The following NSG2 variants were observed in gnomAD, a reference collection of about 807,000 sequenced individuals.
NSG2 encodes neuronal vesicle trafficking-associated protein 2.
Under a neutral mutation model 16.9 loss-of-function variants are expected in NSG2, and 4 were observed. That is an observed-to-expected ratio of 0.24 (90% confidence interval 0.12 to 0.54). The LOEUF (loss-of-function observed/expected upper bound fraction) is 0.54, where lower values mean the gene tolerates loss of function less well. Among genes scored for constraint, NSG2 ranks in the 20% least tolerant of loss-of-function variants. The pLI, the probability that NSG2 is intolerant of heterozygous loss-of-function variation, is 0.95. For synonymous variants in NSG2, 98 were observed against 88.7 expected (o/e 1.11, Z -0.59); for missense variants, 179 against 221.1 (o/e 0.81, Z 1.21).
chr5:174,046,863 A>G lies in NSG2; in HGVS notation c.108A>G (p.Leu36=), dbSNP rs776037656. ...PLITPLEVNH[L]QLPAPEKVIV... is the part of the protein sequence containing the mutation. ...TCACTCCCTTGGAGGTTAATCACTTACAGCTGCCTGCTCCAGAAAAGGTAA... is the reference window on the plus strand; with the variant it reads ...TCACTCCCTTGGAGGTTAATCACTTGCAGCTGCCTGCTCCAGAAAAGGTAA... The change falls in exon 2 of 5, where the codon TTA becomes TTG. Residue 36 remains leucine (L), a synonymous_variant. Transcript: ENST00000303177. 7.7e-5 allele frequency: 124 copies of G among 1,613,990 alleles called. No homozygotes were observed. The Admixed American group carries it at 7.8e-4, about 10-fold the overall frequency.
chr5:174,054,360 A>G (rs756556781), intron 2 of NSG2, among the ~76,000 whole-genome samples: 2 of 152,222 alleles, frequency 1.3e-5, no homozygotes, highest in African/African-American at 4.8e-5. Flanking sequence ...GTTTTTAACC[A>G]TAAGAATGCG....
chr5:174,094,891 G>C (rs1395300102), intron 3 of NSG2, among the ~76,000 whole-genome samples: 2 of 152,190 alleles, frequency 1.3e-5, no homozygotes, highest in African/African-American at 4.8e-5. Flanking sequence ...CCTATCCCAT[G>C]CCAGGTCATG....
intron 3 of NSG2, chr5:174,064,617 A>C: frequency 4.3e-6 from 1 of 232,820 alleles, no homozygotes; most frequent in Non-Finnish European, 8.2e-6. Context: ...TTTCATCACA[A>C]TCTCCAGGAA....
In NSG2 at chr5:174,107,519, C is replaced by A; in HGVS notation, c.*14C>A. ...CAGGGCCACTAGAGGCCTGCCCCAGCCAGAATGGGGGGCGGGGTGGAGAGG... is the reference window on the plus strand; with the variant it reads ...CAGGGCCACTAGAGGCCTGCCCCAGACAGAATGGGGGGCGGGGTGGAGAGG... On this transcript the variant is annotated 3_prime_UTR_variant, in exon 5 of 5. Coordinates refer to ENST00000303177, the MANE Select transcript of NSG2 (RefSeq NM_015980.5). This position sits in a 1 kb window ranked among gnomAD's most constrained non-coding sequence, Gnocchi z 4.5. 1 of 1,601,544 alleles carries A rather than the reference C, an allele frequency of 6.2e-7. No individual in the cohort carries two copies. The highest frequency in any genetic ancestry group is 8.5e-7 in the Non-Finnish European group (1 of 1,171,932).
Position 174,092,838 on chromosome 5 carries a change from A to AG in NSG2, c.214-11386dup, listed in dbSNP as rs562605534. ...GCTCTATGTGACTATACAAAGTTGG[A>AG]GGGGCCACAGTGTGTAAAATGGGAT... On this transcript the variant is annotated intron_variant, in intron 3 of 4. Transcript: ENST00000303177. Among the ~76,000 whole-genome samples, 706 of 152,244 alleles carry AG rather than the reference A, an allele frequency of 4.6e-3. 3 individuals are homozygous for AG. Among genetic ancestry groups the AG allele is most frequent in the Non-Finnish European group, 6.8e-3 (465 of 68,026 alleles).
intron 3 of NSG2, among the ~76,000 whole-genome samples, chr5:174,096,056 T>C (rs1760790443): frequency 6.6e-6 from 1 of 152,252 alleles, no homozygotes; most frequent in Admixed American, 6.5e-5. Context: ...TGTGCCTTAG[T>C]CTTCTCATCT....
intron 2 of NSG2, among the ~76,000 whole-genome samples, chr5:174,053,535 A>G (rs1759923850): frequency 6.6e-6 from 1 of 152,072 alleles, no homozygotes; most frequent in South Asian, 2.1e-4. Flanking sequence ...GAGACACAGG[A>G]TATGAGAAAC....
chr5:174,061,991 T>C (rs1760060970), intron 2 of NSG2, among the ~76,000 whole-genome samples: 1 of 151,004 alleles, frequency 6.6e-6, no homozygotes, highest in African/African-American at 2.4e-5. Context: ...CTTGTGTTGC[T>C]CTTGATAGGC....
chr5:174,105,281 C>T lies in NSG2; in HGVS notation c.324+943C>T, dbSNP rs141448429. Among the ~76,000 whole-genome samples the T allele has an allele frequency of 2.2e-3, 336 of 152,258 alleles. 1 individual carries two copies. Among genetic ancestry groups the T allele is most frequent in the African/African-American group, 7.6e-3 (315 of 41,532 alleles). ...TGCCAGCCTGAAAATGTGTATACTT[C>T]GGTTCTGCACTGCCTAGATTACACT... On this transcript the variant is annotated intron_variant, in intron 4 of 4. Transcript: ENST00000303177.
chr5:174,070,994 C>T (rs1223934222), intron 3 of NSG2, among the ~76,000 whole-genome samples: 3 of 152,218 alleles, frequency 2.0e-5, no homozygotes, highest in Non-Finnish European at 2.9e-5. Context: ...AGAGAATCTG[C>T]CTCATTAGGC....
intron 3 of NSG2, among the ~76,000 whole-genome samples, chr5:174,077,198 C>T (rs1760359591): frequency 1.3e-5 from 2 of 152,042 alleles, no homozygotes; most frequent in Admixed American, 1.3e-4. Flanking sequence ...CTATAAATAG[C>T]TTTATTTTTT....
intron 3 of NSG2, among the ~76,000 whole-genome samples, chr5:174,081,863 C>A (rs1760476279): frequency 7.2e-6 from 1 of 138,030 alleles, no homozygotes; most frequent in South Asian, 2.3e-4. Flanking sequence ...GCACTCCAGC[C>A]TGAGCAGCAG....
At chr5:174,093,250 C>A (rs921153144) in intron 3 of NSG2, among the ~76,000 whole-genome samples, 4 of 152,116 alleles carry the variant, frequency 2.6e-5, no homozygotes, top group African/African-American at 9.7e-5. Flanking sequence ...GTAAGCATTC[C>A]ATGTATGCTA....
intron 2 of NSG2, among the ~76,000 whole-genome samples, chr5:174,062,407 T>A (rs1760066613): frequency 6.6e-6 from 1 of 152,208 alleles, no homozygotes; most frequent in Admixed American, 6.5e-5. Flanking sequence ...GAGAATTATT[T>A]TTCTTATCTG....
chr5:174,072,052 T>C lies in NSG2; in HGVS notation c.213+7737T>C, dbSNP rs2113444688. 6.6e-6 allele frequency among the ~76,000 whole-genome samples: 1 copy of C among 152,284 alleles called. No individual in the cohort carries two copies. Among genetic ancestry groups the C allele is most frequent in the Admixed American group, 6.5e-5 (1 of 15,300 alleles). ...GGGAGAAACACAGAAACCAGCCTCC[T>C]CAGTGCTGGCCGCTGCACCTAGCAG... is the stretch of plus-strand genomic sequence containing the variant. On this transcript the variant is annotated intron_variant, in intron 3 of 4. Transcript: ENST00000303177. The surrounding 1 kb of genome is among the most constrained non-coding windows in gnomAD (Gnocchi z 4.0).
At chr5:174,077,568 C>G (rs1053327140) in intron 3 of NSG2, among the ~76,000 whole-genome samples, 2 of 152,192 alleles carry the variant, frequency 1.3e-5, no homozygotes, top group Non-Finnish European at 2.9e-5. Flanking sequence ...TTTCTCTTCC[C>G]ACAGTCTGGT....
At chr5:174,050,040 G>A (rs1054285129) in intron 2 of NSG2, among the ~76,000 whole-genome samples, 1 of 152,120 alleles carries the variant, frequency 6.6e-6, no homozygotes, top group Non-Finnish European at 1.5e-5. Flanking sequence ...AGTTGCCTCA[G>A]CATCAGTCTT....
chr5:174,061,633 G>T (rs541872625), intron 2 of NSG2, among the ~76,000 whole-genome samples: 1 of 152,176 alleles, frequency 6.6e-6, no homozygotes, highest in African/African-American at 2.4e-5. Context: ...GAGACAGAGT[G>T]TTGCTCTGTC....
intron 3 of NSG2, among the ~76,000 whole-genome samples, chr5:174,097,950 A>C (rs1760833060): frequency 6.6e-6 from 1 of 151,830 alleles, no homozygotes; most frequent in South Asian, 2.1e-4. Context: ...ACTTTGTATG[A>C]GTCACTACTG....
Sources: gnomAD v4.1 joint callset for allele counts (sites outside exome capture counted in the v4.1 genomes callset) on GRCh38, gnomAD v4.1.1 for gene constraint, Gnocchi (gnomAD v3.1) non-coding constraint, MANE v1.5 for transcripts, NCBI Gene and HGNC (gene_info 2026-07-23, HGNC 2026-07-21) for gene names.